The following SERPINI1 variants were observed in gnomAD, a reference collection of about 807,000 sequenced individuals.
SERPINI1 encodes neuroserpin.
Under a neutral mutation model 41.1 loss-of-function variants are expected in SERPINI1, and 19 were observed. That is an observed-to-expected ratio of 0.46 (90% CI 0.32 to 0.68). The LOEUF (loss-of-function observed/expected upper bound fraction) is 0.68, where lower values mean the gene tolerates loss of function less well. Ranked by LOEUF, SERPINI1 falls within the 30% of genes least tolerant of loss-of-function variation. The pLI is 0.03. For missense variants in SERPINI1, 460 were observed against 479.2 expected (o/e 0.96, Z 0.37); for synonymous variants, 138 against 156.6 (o/e 0.88, Z 0.89).
chr3:167,811,272 A>C (rs1711867004), intron 6 of SERPINI1, among the ~76,000 whole-genome samples: 1 of 151,522 alleles, frequency 6.6e-6, no homozygotes, highest in Non-Finnish European at 1.5e-5. Flanking sequence ...ATTCTTCCTA[A>C]CATCTGCAAT....
chr3:167,766,689 G>T (rs1477349121), intron 1 of SERPINI1, among the ~76,000 whole-genome samples: 1 of 152,194 alleles, frequency 6.6e-6, no homozygotes, highest in Non-Finnish European at 1.5e-5. Flanking sequence ...ATGATAGAAG[G>T]TTAAACAGGC....
At chr3:167,804,518 A>G (rs1249773931) in intron 5 of SERPINI1, among the ~76,000 whole-genome samples, 1 of 152,352 alleles carries the variant, frequency 6.6e-6, no homozygotes, top group East Asian at 1.9e-4. Flanking sequence ...AAATAAAAGT[A>G]ATAAATGCCT....
chr3:167,804,869 G>T (rs1366877512), intron 5 of SERPINI1, among the ~76,000 whole-genome samples: 1 of 152,020 alleles, frequency 6.6e-6, no homozygotes, highest in Non-Finnish European at 1.5e-5. Context: ...GTTACATGAT[G>T]CAGGCATGCT....
At chr3:167,763,493 C>T (rs773744267) in intron 1 of SERPINI1, among the ~76,000 whole-genome samples, 1 of 152,022 alleles carries the variant, frequency 6.6e-6, no homozygotes, top group African/African-American at 2.4e-5. Flanking sequence ...AATCCCCTCA[C>T]CTCAGCCTCC....
intron 1 of SERPINI1, among the ~76,000 whole-genome samples, chr3:167,774,636 G>A (rs1299936289): frequency 2.6e-5 from 4 of 152,134 alleles, no homozygotes; most frequent in Non-Finnish European, 5.9e-5. Flanking sequence ...TGTCAGACCA[G>A]CAGCAGCATT....
intron 1 of SERPINI1, among the ~76,000 whole-genome samples, chr3:167,749,121 C>T (rs1239354893): frequency 6.6e-6 from 1 of 152,132 alleles, no homozygotes; most frequent in African/African-American, 2.4e-5. Context: ...ATTGATATAT[C>T]ACTATTTTGA....
intron 1 of SERPINI1, among the ~76,000 whole-genome samples, chr3:167,749,481 A>C (rs996361547): frequency 7.9e-5 from 12 of 152,352 alleles, no homozygotes; most frequent in South Asian, 6.2e-4. Flanking sequence ...AATTGTGACT[A>C]TAAGGCTGAT....
intron 6 of SERPINI1, among the ~76,000 whole-genome samples, chr3:167,808,288 T>A (rs1711728803): frequency 1.4e-5 from 2 of 146,006 alleles, no homozygotes; most frequent in Non-Finnish European, 1.5e-5. Flanking sequence ...TTTTTCAGAG[T>A]AAAAAAAAAA....
intron 6 of SERPINI1, among the ~76,000 whole-genome samples, chr3:167,813,285 T>C (rs1167200134): frequency 6.6e-6 from 1 of 152,210 alleles, no homozygotes; most frequent in African/African-American, 2.4e-5. Context: ...GCTTATCTGA[T>C]TCACCCTGCA....
intron 1 of SERPINI1, among the ~76,000 whole-genome samples, chr3:167,772,864 C>CTATA (rs1161668820): frequency 1.9e-3 from 47 of 24,624 alleles, no homozygotes; most frequent in African/African-American, 3.0e-3. Context: ...CTCTCTCTCT[C>CTATA]TATATATATA....
chr3:167,753,097 A>G (rs910878221), intron 1 of SERPINI1, among the ~76,000 whole-genome samples: 1 of 152,088 alleles, frequency 6.6e-6, no homozygotes, highest in African/African-American at 2.4e-5. Flanking sequence ...GGCCCAGTAC[A>G]CAGTGGATGC....
intron 1 of SERPINI1, among the ~76,000 whole-genome samples, chr3:167,780,392 A>G (rs1727083162): frequency 6.6e-6 from 1 of 152,168 alleles, no homozygotes; most frequent in South Asian, 2.1e-4. Context: ...GTTGTAAGGA[A>G]GGTTTTGATA....
intron 1 of SERPINI1, among the ~76,000 whole-genome samples, chr3:167,767,399 T>C (rs1201191667): frequency 6.6e-6 from 1 of 152,160 alleles, no homozygotes; most frequent in East Asian, 1.9e-4. Flanking sequence ...AGAGCTCTGA[T>C]GGAAATGTAC....
At chr3:167,768,738 A>G (rs1726643624) in intron 1 of SERPINI1, among the ~76,000 whole-genome samples, 1 of 152,198 alleles carries the variant, frequency 6.6e-6, no homozygotes, top group African/African-American at 2.4e-5. Context: ...TGAAGATCCT[A>G]CTGAATAGAA....
At chr3:167,781,151 T>G (rs1254129242) in intron 1 of SERPINI1, among the ~76,000 whole-genome samples, 1 of 152,048 alleles carries the variant, frequency 6.6e-6, no homozygotes, top group Non-Finnish European at 1.5e-5. Flanking sequence ...GCTGATCTAA[T>G]TGTGCCTTTC....
chr3:167,750,480 T>G (rs1726007859), intron 1 of SERPINI1, among the ~76,000 whole-genome samples: 2 of 152,174 alleles, frequency 1.3e-5, no homozygotes, highest in South Asian at 4.1e-4. Flanking sequence ...TGATGCTTAT[T>G]TGTGTATCAT....
At chr3:167,795,043 T>C (rs567916804) in intron 5 of SERPINI1, among the ~76,000 whole-genome samples, 1 of 152,250 alleles carries the variant, frequency 6.6e-6, no homozygotes, top group Non-Finnish European at 1.5e-5. Flanking sequence ...CATGTGGTCC[T>C]TCCCGTAGAC....
chr3:167,803,406 T>TA (rs1189049902), intron 5 of SERPINI1, among the ~76,000 whole-genome samples: 2 of 152,056 alleles, frequency 1.3e-5, no homozygotes, highest in East Asian at 3.8e-4. Flanking sequence ...AATGCAAACA[T>TA]ACGACACCCT....
intron 5 of SERPINI1, among the ~76,000 whole-genome samples, chr3:167,797,713 G>C (rs1035372444): frequency 1.4e-5 from 2 of 147,088 alleles, no homozygotes; most frequent in Admixed American, 7.0e-5. Context: ...TTCTTAAGGA[G>C]AGGTAGTTAA....
Sources: allele counts gnomAD v4.1 joint callset (sites outside exome capture counted in the v4.1 genomes callset), GRCh38; gene constraint gnomAD v4.1.1; transcripts MANE v1.5; gene names NCBI Gene and HGNC (gene_info 2026-07-23, HGNC 2026-07-21).